Variants in TLN1 observed in about 807,000 individuals in gnomAD.
The protein encoded by TLN1 is talin 1.
Under a neutral mutation model 292.3 loss-of-function variants are expected in TLN1, and 56 were observed. The observed-to-expected ratio is 0.19, with a 90% CI of 0.15 to 0.24. The LOEUF is 0.24. Among genes scored for constraint, TLN1 ranks in the 10% least tolerant of loss-of-function variants. TLN1 has a pLI of 1.00. For synonymous variants in TLN1, 1,119 were observed against 1,253.7 expected, an observed-to-expected ratio of 0.89 and a Z score of 2.27; for missense variants, 2,433 against 3,248.2, an observed-to-expected ratio of 0.75 and a Z score of 6.10.
chr9:35,726,246 G>A (rs1201921083), intron 1 of TLN1, among the ~76,000 whole-genome samples: 1 of 152,216 alleles, frequency 6.6e-6, no homozygotes, highest in Non-Finnish European at 1.5e-5. Flanking sequence ...GAAAGGAGAA[G>A]CTGGTCTGCA....
Position 35,698,216 on chromosome 9 carries a change from T to A in TLN1, c.7372-44A>T. 1 of 1,612,340 alleles carries A rather than the reference T, an allele frequency of 6.2e-7. No homozygotes were observed. The highest frequency in any genetic ancestry group is 8.5e-7 in the Non-Finnish European group (1 of 1,178,864). ...GCCTAGGTTGAGAACTCAGGTACGG[T>A]CCCAGTTGAGACAGTACCTCAATTC... is the stretch of plus-strand genomic sequence containing the variant. On this transcript the variant is annotated intron_variant, in intron 55 of 56. Coordinates refer to ENST00000314888, the MANE Select transcript of TLN1 (RefSeq NM_006289.4). The surrounding 1 kb of genome is among the most constrained non-coding windows in gnomAD (Gnocchi z 5.3).
Position 35,704,926 on chromosome 9 carries a change from A to G in TLN1, c.5734-111T>C, listed in dbSNP as rs1475728519. The stretch of plus-strand genomic sequence containing the variant: ...GAAAAAAACATGCATTGTAGACTAA[A>G]GAAGCAGAGAGAGAAGGTTCCCAGC... On this transcript the variant is annotated intron_variant, in intron 43 of 56. Transcript: ENST00000314888. This position sits in a 1 kb window ranked among gnomAD's most constrained non-coding sequence, Gnocchi z 6.9. 1.6e-5 allele frequency: 21 copies of G among 1,282,358 alleles called. No individual in the cohort carries two copies. The highest frequency in any genetic ancestry group is 2.2e-5 in the Non-Finnish European group (21 of 936,662). The allele number at this position is 1,282,358 out of a possible 1,614,324, so 79.4% of individuals were successfully genotyped here. A position where few individuals can be genotyped will look rare whatever the true frequency, so the allele number is the denominator to read the frequency against.
chr9:35,704,603 A>G lies in TLN1; in HGVS notation c.5880+66T>C. 1 of 1,600,732 alleles carries G rather than the reference A, an allele frequency of 6.2e-7. No individual in the cohort carries two copies. The highest frequency in any genetic ancestry group is 8.5e-7 in the Non-Finnish European group (1 of 1,172,098). ...AACAGGAGAGGGCTGAGAGGGCTGGAGGAGGATGGCAAAGGCTACAGAGTT... is the reference window on the plus strand; with the variant it reads ...AACAGGAGAGGGCTGAGAGGGCTGGGGGAGGATGGCAAAGGCTACAGAGTT... On this transcript the variant is annotated intron_variant, in intron 44 of 56. Coordinates refer to ENST00000314888, the MANE Select transcript of TLN1 (RefSeq NM_006289.4). The surrounding 1 kb of genome is among the most constrained non-coding windows in gnomAD (Gnocchi z 6.9).
chr9:35,701,216 A>G (rs1825461102), intron 48 of TLN1, among the ~76,000 whole-genome samples: 1 of 152,214 alleles, frequency 6.6e-6, no homozygotes, highest in African/African-American at 2.4e-5. Flanking sequence ...ACAGAAAGGA[A>G]GAGAGTAGGA....
rs145717496 is a variant in TLN1, at chr9:35,724,953, T to C, written c.235A>G (p.Met79Val). 5.1e-5 allele frequency: 83 copies of C among 1,614,084 alleles called. 1 individual carries two copies. Among genetic ancestry groups the C allele is most frequent in the African/African-American group, 4.0e-4 (30 of 75,014 alleles). Residue 79 changes from methionine (M) to valine (V), a missense_variant, in exon 4 of 57, where the codon ATG becomes GTG. This residue lies in a region of TLN1 where 155 missense variants were observed against 287.9 expected (regional missense o/e 0.54). Transcript: ENST00000314888. This position sits in a 1 kb window ranked among gnomAD's most constrained non-coding sequence, Gnocchi z 4.7. ...DYYMLRNGDT[M>V]EYRKKQRPLK... is the part of the protein sequence containing the mutation. ...GGTCTCTGTTTCTTCCTGTACTCCA[T>C]AGTGTCCTGTTAGGGCAGGAAGAAG...
At chr9:35,721,869 C>T (rs1368915716) in intron 9 of TLN1, 66 bp from the exon 10 acceptor site, 13 of 1,580,230 alleles carry the variant, frequency 8.2e-6, no homozygotes, top group African/African-American at 1.3e-5. Flanking sequence ...ATGATCAGAT[C>T]AGCTTGCAGC....
chr9:35,707,527 G>A lies in TLN1; in HGVS notation c.4633-39C>T. On this transcript the variant is annotated intron_variant, in intron 35 of 56. Coordinates refer to ENST00000314888, the MANE Select transcript of TLN1 (RefSeq NM_006289.4). The surrounding 1 kb of genome is among the most constrained non-coding windows in gnomAD (Gnocchi z 5.6). ...AGAGGCTCTCAGGACTTGGGATGCA[G>A]TCATAGGGGGTATAGGAAGTGAAGT... 1 of 1,608,916 alleles carries A rather than the reference G, an allele frequency of 6.2e-7. No homozygotes were observed. Among genetic ancestry groups the A allele is most frequent in the Non-Finnish European group, 8.5e-7 (1 of 1,176,436 alleles).
Position 35,698,177 on chromosome 9 carries a change from G to T in TLN1, c.7372-5C>A. 1 of 1,613,862 alleles carries T rather than the reference G, an allele frequency of 6.2e-7. No homozygotes were observed. Among genetic ancestry groups the T allele is most frequent in the Non-Finnish European group, 8.5e-7 (1 of 1,180,004 alleles). On this transcript the variant is annotated splice_region_variant and splice_polypyrimidine_tract_variant and intron_variant, in intron 55 of 56. Coordinates refer to ENST00000314888, the MANE Select transcript of TLN1 (RefSeq NM_006289.4). This position sits in a 1 kb window ranked among gnomAD's most constrained non-coding sequence, Gnocchi z 5.3. ...CTTCACTGCGTTGCCAGCAGCCTGGGCAGAGAGAAAGTGGCCTAGGTTGAG... is the reference window on the plus strand; with the variant it reads ...CTTCACTGCGTTGCCAGCAGCCTGGTCAGAGAGAAAGTGGCCTAGGTTGAG...
At chr9:35,728,936 C>T (rs1826023270) in intron 1 of TLN1, among the ~76,000 whole-genome samples, 1 of 152,052 alleles carries the variant, frequency 6.6e-6, no homozygotes, top group Admixed American at 6.6e-5. Context: ...GTGGTAAGAG[C>T]CAAAAGGTGT....
Position 35,719,893 on chromosome 9 carries a change from T to C in TLN1, c.1465-40A>G, listed in dbSNP as rs373705408. Reference sequence around the variant, plus strand: ...GGAGAAACAGGGACTGGAATGGATGTTTGGAGAAAAGAGAAGGTAAAAGAG... The same window carrying C: ...GGAGAAACAGGGACTGGAATGGATGCTTGGAGAAAAGAGAAGGTAAAAGAG... On this transcript the variant is annotated intron_variant, in intron 13 of 56. Transcript: ENST00000314888. The surrounding 1 kb of genome is among the most constrained non-coding windows in gnomAD (Gnocchi z 4.6). The C allele has an allele frequency of 1.3e-5, 21 of 1,569,788 alleles. No individual in the cohort carries two copies. In the African/African-American group the frequency reaches 2.7e-4, roughly 20 times the overall value.
At position 35,697,268 on chromosome 9, in the gene TLN1, A is replaced by G. The variant is rs900723531; in HGVS notation, c.*523T>C. On this transcript the variant is annotated 3_prime_UTR_variant, in exon 57 of 57. Coordinates refer to ENST00000314888, the MANE Select transcript of TLN1 (RefSeq NM_006289.4). ...CAAGCTGGATCAAGCTGGGTGACAG[A>G]ATTCAACCCCACTGTCTCTCCTACT... 1 of 153,500 alleles carries G rather than the reference A, an allele frequency of 6.5e-6. No individual in the cohort carries two copies. The highest frequency in any genetic ancestry group is 1.4e-5 in the Non-Finnish European group (1 of 68,976). 9.5% of individuals were successfully genotyped at this position (153,500 alleles called of 1,614,324 possible).
intron 2 of TLN1, 84 bp downstream of exon 2, chr9:35,725,481 A>G: frequency 6.4e-7 from 1 of 1,573,922 alleles, no homozygotes; most frequent in Non-Finnish European, 8.7e-7. Flanking sequence ...TAGGGGACAA[A>G]GGGGTCAACT....
Position 35,710,878 on chromosome 9 carries a change from C to T in TLN1, c.4122G>A (p.Arg1374=), listed in dbSNP as rs750998196. ...GCTGGACTGGGTTCTCCAGGAGTTC[C>T]CGGACCGTCTGTGTAGGGGGAGGGC... The part of the protein sequence containing the change: ...DNALRELETV[R]ELLENPVQPI... Residue 1374 remains arginine (R), a synonymous_variant, in exon 32 of 57, where the codon CGG becomes CGA. Coordinates refer to ENST00000314888, the MANE Select transcript of TLN1 (RefSeq NM_006289.4). 4 of 1,614,224 alleles carry T rather than the reference C, an allele frequency of 2.5e-6. No homozygotes were observed. The South Asian group carries it at 4.4e-5, about 18-fold the overall frequency.
At chr9:35,725,459 G>C in intron 2 of TLN1, 106 bp downstream of exon 2, 1 of 1,542,968 alleles carries the variant, frequency 6.5e-7, no homozygotes, top group Non-Finnish European at 8.9e-7. Flanking sequence ...AGACCTGAGG[G>C]GTGAGTAGTC....
At chr9:35,705,448 CCTTT>C in intron 43 of TLN1, 99 bp downstream of exon 43, 1 of 1,251,192 alleles carries the variant, frequency 8.0e-7, no homozygotes, top group Non-Finnish European at 1.1e-6. Flanking sequence ...AGGCTGTTCC[CCTTT>C]CTATGAAAGA....
At position 35,707,037 on chromosome 9, in the gene TLN1, C is replaced by A. The variant is rs1484307429; in HGVS notation, c.4955+35G>T. The A allele has an allele frequency of 6.2e-7, 1 of 1,608,512 alleles. No individual in the cohort carries two copies. Among genetic ancestry groups the A allele is most frequent in the Admixed American group, 1.7e-5 (1 of 58,048 alleles). ...ATCCTCCATTCTGCCACAATGTATGCCCCCCAGCCACACTGGTTCCCCATC... is the reference window on the plus strand; with the variant it reads ...ATCCTCCATTCTGCCACAATGTATGACCCCCAGCCACACTGGTTCCCCATC... On this transcript the variant is annotated intron_variant, in intron 37 of 56. Coordinates refer to ENST00000314888, the MANE Select transcript of TLN1 (RefSeq NM_006289.4). The surrounding 1 kb of genome is among the most constrained non-coding windows in gnomAD (Gnocchi z 5.6).
chr9:35,701,645 G>A lies in TLN1; in HGVS notation c.6475-1269C>T, dbSNP rs140970508. 8.0e-4 allele frequency among the ~76,000 whole-genome samples: 122 copies of A among 152,358 alleles called. 1 individual carries two copies. Among genetic ancestry groups the A allele is most frequent in the African/African-American group, 2.8e-3 (118 of 41,578 alleles). ...AGGATTGGAGGGGGCAAGTGTTGAA[G>A]CATGGTGACTGGATAGAGACTACTG... On this transcript the variant is annotated intron_variant, in intron 48 of 56. Transcript: ENST00000314888.
rs764363226 is a variant in TLN1 at position 35,714,086 on chromosome 9, G to A, written c.3121-5C>T. 8 of 1,613,834 alleles carry A rather than the reference G, an allele frequency of 5.0e-6. No homozygotes were observed. The highest frequency in any genetic ancestry group is 3.4e-6 in the Non-Finnish European group (4 of 1,179,806). ...AGGTCCACATGCTTCCTGAGCCTAT[G>A]ATAAGAAAGGGGTTTTGGGTGTAGA... On this transcript the variant is annotated splice_polypyrimidine_tract_variant and splice_region_variant and intron_variant, in intron 24 of 56. Transcript: ENST00000314888. The surrounding 1 kb of genome is among the most constrained non-coding windows in gnomAD (Gnocchi z 4.6).
chr9:35,728,228 A>G lies in TLN1; in HGVS notation c.-33-2501T>C, dbSNP rs546090631. Among the ~76,000 whole-genome samples the G allele has an allele frequency of 5.3e-5, 8 of 152,326 alleles. No individual in the cohort carries two copies. In the South Asian group the frequency reaches 1.4e-3, roughly 28 times the overall value. ...GCTAAGAAAGTTGGGGTACTTGGAG[A>G]ATATAGTCAGAGCAGATACCCACAA... On this transcript the variant is annotated intron_variant, in intron 1 of 56. Coordinates refer to ENST00000314888, the MANE Select transcript of TLN1 (RefSeq NM_006289.4).
Sources: allele counts gnomAD v4.1 joint callset (sites outside exome capture counted in the v4.1 genomes callset), GRCh38; gene constraint gnomAD v4.1.1; regional missense constraint gnomAD v4.1.1; non-coding constraint Gnocchi (gnomAD v3.1); transcripts MANE v1.5; gene names NCBI Gene and HGNC (gene_info 2026-07-23, HGNC 2026-07-21).